The following GNPTG variants were observed in gnomAD, a reference collection of about 807,000 sequenced individuals.
The protein encoded by GNPTG is N-acetylglucosamine-1-phosphotransferase subunit gamma.
Under a neutral mutation model 43.8 loss-of-function variants are expected in GNPTG, and 46 were observed. The observed-to-expected ratio is 1.05, with a 90% CI of 0.83 to 1.34. GNPTG has a LOEUF of 1.34. GNPTG is among the 40% of genes most tolerant of loss of function. The probability of loss-of-function intolerance (pLI) is 0.00; values close to 1 mark genes in which losing one functional copy is unlikely to be tolerated. For synonymous variants in GNPTG, 250 were observed against 172.8 expected (o/e 1.45, Z -3.50); for missense variants, 549 against 411.3 (o/e 1.33, Z -2.90).
rs1368597797 is a variant in GNPTG at position 1,363,034 on chromosome 16, C to T, written c.861C>T (p.Pro287=). 12 of 1,614,006 alleles carry T rather than the reference C, an allele frequency of 7.4e-6. No homozygotes were observed. Among genetic ancestry groups the T allele is most frequent in the African/African-American group, 1.3e-5 (1 of 74,998 alleles). ...SNLEHLGHET[P]RAKSPEQLRG... ...TGGAGCACTTGGGCCACGAGACGCC[C>T]AGAGCCAAGTCTCCAGAGCAGCTGC... Residue 287 remains proline (P), a synonymous_variant, in exon 11 of 11, where the codon CCC becomes CCT. Transcript: ENST00000204679.
chr16:1,363,295 A>T lies in GNPTG; in HGVS notation c.*204A>T. 1.7e-6 allele frequency: 1 copy of T among 596,486 alleles called. No homozygotes were observed. The highest frequency in any genetic ancestry group is 1.9e-5 in the South Asian group (1 of 53,034). The allele number at this position is 596,486 out of a possible 1,614,324, so 36.9% of individuals were successfully genotyped here. ...TGCATAAATGCTATAGTGTAAAAAAATTTAAACAAGTGTTAACTTTAAACA... is the reference window on the plus strand; with the variant it reads ...TGCATAAATGCTATAGTGTAAAAAATTTTAAACAAGTGTTAACTTTAAACA... On this transcript the variant is annotated 3_prime_UTR_variant, in exon 11 of 11. Coordinates refer to ENST00000204679, the MANE Select transcript of GNPTG (RefSeq NM_032520.5).
rs2034917887 is a variant in GNPTG, at chr16:1,362,475, CT to C, written c.551del (p.Leu184ArgfsTer8). On this transcript the variant is annotated frameshift_variant, in exon 8 of 11. Transcript: ENST00000204679. LOFTEE classifies it high-confidence loss of function. The part of the protein sequence containing the change: ...LLVYPTLPEA[L>X]QRQWDQVEQD... ...AGTGTACCCAACCCTGCCAGAGGCC[CT>C]GCAGCGGCAGTGGGACCAGGTAGAG... 6.2e-7 allele frequency: 1 copy of C among 1,613,958 alleles called. No individual in the cohort carries two copies. The highest frequency in any genetic ancestry group is 1.7e-5 in the Admixed American group (1 of 60,008).
At chr16:1,355,452 G>A (rs1034443689) in intron 3 of GNPTG, among the ~76,000 whole-genome samples, 4 of 152,152 alleles carry the variant, frequency 2.6e-5, no homozygotes, top group African/African-American at 9.7e-5. Flanking sequence ...AGGAAGGGGT[G>A]GGCTTGCCAG....
chr16:1,352,312 T>C lies in GNPTG; in HGVS notation c.178+6T>C. 6.5e-7 allele frequency: 1 copy of C among 1,547,740 alleles called. No homozygotes were observed. The highest frequency in any genetic ancestry group is 1.2e-5 in the South Asian group (1 of 83,944). On this transcript the variant is annotated splice_donor_region_variant and intron_variant, in intron 3 of 10. Coordinates refer to ENST00000204679, the MANE Select transcript of GNPTG (RefSeq NM_032520.5). ...GGATCCTTCACCCGTGTCTGGTGAG[T>C]GAGGAGCGCTGTTGGCCGGCGCGGG...
In GNPTG at chr16:1,351,998, C is replaced by G; in HGVS notation, c.33C>G (p.Leu11=). 6.9e-7 allele frequency: 1 copy of G among 1,450,346 alleles called. No individual in the cohort carries two copies. The highest frequency in any genetic ancestry group is 1.3e-5 in the South Asian group (1 of 74,216). 89.8% of individuals were successfully genotyped at this position (1,450,346 alleles called of 1,614,324 possible). Residue 11 remains leucine, a synonymous_variant, in exon 1 of 11, where the codon CTC becomes CTG. Coordinates refer to ENST00000204679, the MANE Select transcript of GNPTG (RefSeq NM_032520.5). ...CGGGGCTGGCGCGGCTCCTGTTGCT[C>G]CTCGGGCTCTCGGCCGGCGGTGAGT... MAAGLARLLL[L]LGLSAGGPAP...
At chr16:1,354,074 C>T (rs574592085) in intron 3 of GNPTG, among the ~76,000 whole-genome samples, 1 of 152,248 alleles carries the variant, frequency 6.6e-6, no homozygotes, top group South Asian at 2.1e-4. Context: ...TGATGGCGCA[C>T]CTGGGGTTAG....
chr16:1,362,007 G>T, intron 5 of GNPTG, 31 bp from the exon 6 acceptor site: 1 of 1,612,882 alleles, frequency 6.2e-7, no homozygotes, highest in Non-Finnish European at 8.5e-7. Context: ...CTCCCCACCC[G>T]GCCTCACGTG....
Position 1,363,173 on chromosome 16 carries a change from A to C in GNPTG, c.*82A>C, listed in dbSNP as rs1228689441. On this transcript the variant is annotated 3_prime_UTR_variant, in exon 11 of 11. Coordinates refer to ENST00000204679, the MANE Select transcript of GNPTG (RefSeq NM_032520.5). ...TGGTAGGACCCGCAGGGACCAGCTG[A>C]CCAGGCTTGTGCTCAGAGAAGCAGA... is the stretch of plus-strand genomic sequence containing the variant. The C allele has an allele frequency of 8.3e-7, 1 of 1,205,608 alleles. No homozygotes were observed. The highest frequency in any genetic ancestry group is 2.5e-5 in the East Asian group (1 of 40,406). The allele number at this position is 1,205,608 out of a possible 1,614,324, so 74.7% of individuals were successfully genotyped here.
intron 9 of GNPTG, 23 bp from the exon 10 acceptor site, chr16:1,362,802 T>C: frequency 2.5e-6 from 4 of 1,614,064 alleles, no homozygotes; most frequent in Non-Finnish European, 3.4e-6. Context: ...GGCTTTCCCT[T>C]GAACTCTTTT....
intron 3 of GNPTG, among the ~76,000 whole-genome samples, chr16:1,355,951 G>C (rs1055747413): frequency 6.6e-6 from 1 of 152,056 alleles, no homozygotes; most frequent in African/African-American, 2.4e-5. Flanking sequence ...ACTCACCAGG[G>C]GGTGCGTGAG....
In GNPTG at chr16:1,363,400, C is replaced by A; in HGVS notation, c.*309C>A. ...TTCAAATAACATTCTCATGTAAATA[C>A]TCAAACATACAGATTGAGGCTTCCA... On this transcript the variant is annotated 3_prime_UTR_variant, in exon 11 of 11. Transcript: ENST00000204679. 1 of 391,218 alleles carries A rather than the reference C, an allele frequency of 2.6e-6. No homozygotes were observed. Among genetic ancestry groups the A allele is most frequent in the Non-Finnish European group, 4.9e-6 (1 of 206,028 alleles). The allele number at this position is 391,218 out of a possible 1,614,324, so 24.2% of individuals were successfully genotyped here.
Position 1,362,478 on chromosome 16 carries a change from C to T in GNPTG, c.553C>T (p.Gln185Ter). The T allele has an allele frequency of 6.2e-7, 1 of 1,614,094 alleles. No homozygotes were observed. Among genetic ancestry groups the T allele is most frequent in the Non-Finnish European group, 8.5e-7 (1 of 1,179,996 alleles). ...GTACCCAACCCTGCCAGAGGCCCTG[C>T]AGCGGCAGTGGGACCAGGTAGAGCA... is the stretch of plus-strand genomic sequence containing the variant. ...LVYPTLPEAL[Q>*]RQWDQVEQDL... The change falls in exon 8 of 11, where the codon CAG (glutamine) becomes TAG (stop). Residue 185 changes from glutamine to a stop codon, truncating the protein, a stop_gained. Transcript: ENST00000204679. LOFTEE classifies it high-confidence loss of function.
rs2034973029 is a variant in GNPTG at position 1,363,195 on chromosome 16, CAG to C, written c.*106_*107del. ...CTGACCAGGCTTGTGCTCAGAGAAG[CAG>C]ACAAAACAAAGATTCAAGGTTTTAA... On this transcript the variant is annotated 3_prime_UTR_variant, in exon 11 of 11. Coordinates refer to ENST00000204679, the MANE Select transcript of GNPTG (RefSeq NM_032520.5). 3 of 932,486 alleles carry C rather than the reference CAG, an allele frequency of 3.2e-6. No individual in the cohort carries two copies. In the African/African-American group the frequency reaches 4.9e-5, roughly 15 times the overall value. The allele number at this position is 932,486 out of a possible 1,614,324, so 57.8% of individuals were successfully genotyped here. A position where few individuals can be genotyped will look rare whatever the true frequency, so the allele number is the denominator to read the frequency against.
chr16:1,362,336 G>A lies in GNPTG; in HGVS notation c.526+16G>A, dbSNP rs761790744. The A allele has an allele frequency of 1.8e-5, 29 of 1,611,580 alleles. No homozygotes were observed. Among genetic ancestry groups the A allele is most frequent in the African/African-American group, 2.7e-5 (2 of 74,918 alleles). ...GCCTTGCTAGGTAGGGGTGCGGGACGCAGTTGAGCCCAGTGGGGTCAGCCG... is the reference window on the plus strand; with the variant it reads ...GCCTTGCTAGGTAGGGGTGCGGGACACAGTTGAGCCCAGTGGGGTCAGCCG... On this transcript the variant is annotated intron_variant, in intron 7 of 10. Coordinates refer to ENST00000204679, the MANE Select transcript of GNPTG (RefSeq NM_032520.5).
Position 1,363,073 on chromosome 16 carries a change from A to C in GNPTG, c.900A>C (p.Gly300=), listed in dbSNP as rs746913643. ...CAGAGCAGCTGCGGGGTGACCCAGGACTGCGTGGGAGTTTGTGACCTTGTG... is the reference window on the plus strand; with the variant it reads ...CAGAGCAGCTGCGGGGTGACCCAGGCCTGCGTGGGAGTTTGTGACCTTGTG... ...KSPEQLRGDP[G]LRGSL The change falls in exon 11 of 11, where the codon GGA becomes GGC. Residue 300 remains glycine (G), a synonymous_variant. Transcript: ENST00000204679. The C allele has an allele frequency of 6.2e-7, 1 of 1,613,940 alleles. No homozygotes were observed. Among genetic ancestry groups the C allele is most frequent in the Admixed American group, 1.7e-5 (1 of 60,000 alleles).
In GNPTG at chr16:1,362,339, G is replaced by T. The variant is rs1285387143; in HGVS notation, c.526+19G>T. On this transcript the variant is annotated intron_variant, in intron 7 of 10. Transcript: ENST00000204679. ...TTGCTAGGTAGGGGTGCGGGACGCA[G>T]TTGAGCCCAGTGGGGTCAGCCGCGC... 6 of 1,611,580 alleles carry T rather than the reference G, an allele frequency of 3.7e-6. No homozygotes were observed. In the African/African-American group the frequency reaches 4.0e-5, roughly 11 times the overall value.
At chr16:1,362,007 G>A (rs371376391) in intron 5 of GNPTG, 31 bp from the exon 6 acceptor site, 138 of 1,612,880 alleles carry the variant, frequency 8.6e-5, no homozygotes, top group African/African-American at 5.3e-4. Context: ...CTCCCCACCC[G>A]GCCTCACGTG....
intron 3 of GNPTG, 102 bp downstream of exon 3, chr16:1,352,408 G>T (rs973194555): frequency 8.5e-6 from 10 of 1,170,482 alleles, no homozygotes; most frequent in African/African-American, 1.5e-5. Flanking sequence ...GGAGTCTAAA[G>T]CATTGGTTTG....
At chr16:1,362,975 T>C (rs768510312) in intron 10 of GNPTG, 22 bp from the exon 11 acceptor site, 3 of 1,613,954 alleles carry the variant, frequency 1.9e-6, no homozygotes, top group Non-Finnish European at 2.5e-6. Context: ...AGGTGAGGAC[T>C]GGCCACCTGG....
Sources: gnomAD v4.1 joint callset for allele counts (sites outside exome capture counted in the v4.1 genomes callset) on GRCh38, gnomAD v4.1.1 for gene constraint, MANE v1.5 for transcripts, NCBI Gene and HGNC (gene_info 2026-07-23, HGNC 2026-07-21) for gene names.